MARK1: variants seen among roughly 807,000 people sequenced by gnomAD.
MARK1 encodes the protein serine/threonine-protein kinase MARK1.
Under a neutral mutation model 96.3 loss-of-function variants are expected in MARK1, and 40 were observed. That is an observed-to-expected ratio of 0.42 (90% CI 0.32 to 0.54). The LOEUF is 0.54. Ranked by LOEUF, MARK1 falls within the 20% of genes least tolerant of loss-of-function variation. The pLI is 0.16. For synonymous variants in MARK1, 317 were observed against 341.2 expected (o/e 0.93, Z 0.78); for missense variants, 719 against 984.6 (o/e 0.73, Z 3.61).
chr1:220,560,565 T>C (rs1662599966), intron 1 of MARK1, among the ~76,000 whole-genome samples: 1 of 152,262 alleles, frequency 6.6e-6, no homozygotes, highest in South Asian at 2.1e-4. Flanking sequence ...ATAAAAGCAC[T>C]GTGATGCCGA....
chr1:220,645,946 A>G (rs139397391), intron 13 of MARK1, among the ~76,000 whole-genome samples: 171 of 152,286 alleles, frequency 1.1e-3, no homozygotes, highest in African/African-American at 3.8e-3. Flanking sequence ...CCCACAGCCA[A>G]TATCATACTG....
At chr1:220,586,011 A>ACACGCACGCG (rs112968910) in intron 3 of MARK1, among the ~76,000 whole-genome samples, 4,298 of 148,588 alleles carry the variant, frequency 0.029, 103 homozygotes, top group Middle Eastern at 0.11. Context: ...ACACACACAC[A>ACACGCACGCG]CGCGCGCGTG....
At chr1:220,578,133 A>G (rs1015769882) in intron 1 of MARK1, among the ~76,000 whole-genome samples, 1 of 152,228 alleles carries the variant, frequency 6.6e-6, no homozygotes, top group African/African-American at 2.4e-5. Flanking sequence ...GTCATTTTGC[A>G]AACAAAATAT....
chr1:220,595,505 AG>A (rs550941332), intron 3 of MARK1, among the ~76,000 whole-genome samples: 120 of 152,326 alleles, frequency 7.9e-4, no homozygotes, highest in African/African-American at 2.8e-3. Flanking sequence ...TGGAGCTCAA[AG>A]GGGCCATTAG....
intron 9 of MARK1, among the ~76,000 whole-genome samples, chr1:220,621,369 G>A (rs1213330570): frequency 1.3e-5 from 2 of 152,114 alleles, no homozygotes; most frequent in Non-Finnish European, 2.9e-5. Context: ...GGGTCAAAGG[G>A]TGTAAGTGAT....
intron 1 of MARK1, among the ~76,000 whole-genome samples, chr1:220,546,104 C>T (rs1203623183): frequency 1.3e-5 from 2 of 152,132 alleles, no homozygotes; most frequent in Non-Finnish European, 2.9e-5. Flanking sequence ...AGTACTTTTC[C>T]ATCTATTGAC....
chr1:220,556,838 T>C (rs1216232381), intron 1 of MARK1, among the ~76,000 whole-genome samples: 2 of 152,164 alleles, frequency 1.3e-5, no homozygotes, highest in Non-Finnish European at 2.9e-5. Context: ...GGTATAGATC[T>C]GAGGAAATGA....
At chr1:220,566,433 C>T (rs1229299100) in intron 1 of MARK1, among the ~76,000 whole-genome samples, 1 of 152,172 alleles carries the variant, frequency 6.6e-6, no homozygotes, top group African/African-American at 2.4e-5. Context: ...GTTTGGATCT[C>T]CATCTGCAGA....
chr1:220,601,042 C>T (rs907198560), intron 5 of MARK1, among the ~76,000 whole-genome samples: 7 of 151,858 alleles, frequency 4.6e-5, no homozygotes, highest in African/African-American at 9.7e-5. Context: ...CCCAGCCTCC[C>T]GAGTAGCTGG....
At chr1:220,591,104 A>G (rs1407922132) in intron 3 of MARK1, among the ~76,000 whole-genome samples, 1 of 152,146 alleles carries the variant, frequency 6.6e-6, no homozygotes, top group East Asian at 1.9e-4. Flanking sequence ...CCCTCAGCTC[A>G]TGTCTGTTCT....
chr1:220,646,389 C>G (rs1046124453), intron 13 of MARK1, among the ~76,000 whole-genome samples: 1 of 152,118 alleles, frequency 6.6e-6, no homozygotes, highest in Non-Finnish European at 1.5e-5. Flanking sequence ...ACTACAACCA[C>G]TGCTCAAGAA....
rs895231272 is a variant in MARK1, at chr1:220,534,540, T to A, written c.51+5667T>A. Among the ~76,000 whole-genome samples the A allele has an allele frequency of 2.0e-5, 3 of 152,114 alleles. No individual in the cohort carries two copies. The South Asian group carries it at 6.2e-4, about 31-fold the overall frequency. ...CCACATATGAGTGAGAACATATTTG[T>A]CTCTCTGTACTTGGCTTATTTCACT... On this transcript the variant is annotated intron_variant, in intron 1 of 17. Transcript: ENST00000366917.
chr1:220,537,103 T>A (rs2102699202), intron 1 of MARK1, among the ~76,000 whole-genome samples: 1 of 152,156 alleles, frequency 6.6e-6, no homozygotes, highest in South Asian at 2.1e-4. Context: ...TTTTTTTTTT[T>A]TTAATTTAAG....
At chr1:220,653,723 A>G (rs190144403) in intron 16 of MARK1, among the ~76,000 whole-genome samples, 3 of 152,316 alleles carry the variant, frequency 2.0e-5, no homozygotes, top group Admixed American at 2.0e-4. Context: ...TAAATTGCTT[A>G]CTAATAATAT....
At chr1:220,598,490 A>G (rs11118576) in intron 4 of MARK1, 111 bp downstream of exon 4, 112,449 of 187,908 alleles carry the variant, frequency 0.6, 35,139 homozygotes, top group Non-Finnish European at 0.67. Context: ...AGTTTATTTA[A>G]GCAGAAGAAA....
intron 3 of MARK1, 26 bp from the exon 4 acceptor site, chr1:220,598,305 A>C (rs994016362): frequency 5.0e-6 from 3 of 596,688 alleles, no homozygotes; most frequent in Admixed American, 4.7e-5. Context: ...TTTAACAGAA[A>C]TATATCTACC....
chr1:220,645,826 C>T (rs1041078602), intron 13 of MARK1, among the ~76,000 whole-genome samples: 1 of 152,150 alleles, frequency 6.6e-6, no homozygotes, highest in Non-Finnish European at 1.5e-5. Context: ...TCAATAGACA[C>T]AGAAAAAGCC....
At chr1:220,606,362 G>GA (rs140479040) in intron 6 of MARK1, among the ~76,000 whole-genome samples, 88,349 of 151,846 alleles carry the variant, frequency 0.58, 27,043 homozygotes, top group Non-Finnish European at 0.68. Flanking sequence ...CCCACTTTTT[G>GA]ATGGGGTTGT....
intron 1 of MARK1, among the ~76,000 whole-genome samples, chr1:220,541,655 ATTC>A (rs1231016027): frequency 6.6e-6 from 1 of 152,116 alleles, no homozygotes; most frequent in East Asian, 1.9e-4. Flanking sequence ...ACTACGTAAT[ATTC>A]TTCTTTGTCT....
Sources: allele counts gnomAD v4.1 joint callset (sites outside exome capture counted in the v4.1 genomes callset), GRCh38; gene constraint gnomAD v4.1.1; transcripts MANE v1.5; gene names NCBI Gene and HGNC (gene_info 2026-07-23, HGNC 2026-07-21).